Variants in NTM observed in about 807,000 individuals in gnomAD.
NTM encodes neurotrimin, also known as IgLON family member 2.
NTM carries 13 observed loss-of-function variants against 42.1 expected under a neutral mutation model. That is an observed-to-expected ratio of 0.31 (90% CI 0.20 to 0.49). NTM has a LOEUF of 0.49. Among genes scored for constraint, NTM ranks in the 20% least tolerant of loss-of-function variants. The pLI, the probability that NTM is intolerant of heterozygous loss-of-function variation, is 0.99. For missense variants in NTM, 373 were observed against 452.8 expected, an observed-to-expected ratio of 0.82 and a Z score of 1.60; for synonymous variants, 187 against 179.2, an observed-to-expected ratio of 1.04 and a Z score of -0.35.
Position 131,451,053 on chromosome 11 carries a change from G to T in NTM, c.82+80165G>T, listed in dbSNP as rs956347166. On this transcript the variant is annotated intron_variant, in intron 1 of 8. Coordinates refer to ENST00000683400, the MANE Select transcript of NTM (RefSeq NM_001352005.2). ...CAAAATTGATATTAACCATTTAAAA[G>T]AATCTTTCAAATTTGTCCTGGGTGC... is the stretch of plus-strand genomic sequence containing the variant. 2.0e-5 allele frequency among the ~76,000 whole-genome samples: 3 copies of T among 151,768 alleles called. No individual in the cohort carries two copies. In the South Asian group the frequency reaches 6.2e-4, roughly 32 times the overall value.
intron 2 of NTM, among the ~76,000 whole-genome samples, chr11:131,960,284 C>G (rs777097682): frequency 6.6e-6 from 1 of 152,218 alleles, no homozygotes; most frequent in Non-Finnish European, 1.5e-5. Context: ...AGAATCACAA[C>G]TTGACATTGC....
chr11:132,260,507 T>C (rs559617966), intron 4 of NTM, among the ~76,000 whole-genome samples: 8 of 152,150 alleles, frequency 5.3e-5, no homozygotes, highest in South Asian at 2.1e-4. Flanking sequence ...GTGGATGATG[T>C]AATTAGAAGT....
chr11:131,655,293 C>T (rs776180717), intron 1 of NTM, among the ~76,000 whole-genome samples: 8 of 152,052 alleles, frequency 5.3e-5, no homozygotes, highest in Non-Finnish European at 1.0e-4. Context: ...AACAGAGGCT[C>T]CCATCCTTAC....
chr11:131,554,946 G>A (rs191580834), intron 1 of NTM, among the ~76,000 whole-genome samples: 1 of 152,020 alleles, frequency 6.6e-6, no homozygotes, highest in South Asian at 2.1e-4. Flanking sequence ...TCTCTGGGTG[G>A]CCAGATAAGC....
chr11:131,662,979 A>G (rs1409290804), intron 1 of NTM, among the ~76,000 whole-genome samples: 1 of 152,184 alleles, frequency 6.6e-6, no homozygotes, highest in Non-Finnish European at 1.5e-5. Context: ...TTAATATGCT[A>G]TGATTCTCAG....
At chr11:131,806,384 C>A (rs2092481950) in intron 1 of NTM, among the ~76,000 whole-genome samples, 1 of 152,046 alleles carries the variant, frequency 6.6e-6, no homozygotes, top group Non-Finnish European at 1.5e-5. Context: ...ACTTAGATTG[C>A]AATGTTGATA....
At chr11:132,152,151 G>A (rs540876013) in intron 3 of NTM, among the ~76,000 whole-genome samples, 1 of 152,268 alleles carries the variant, frequency 6.6e-6, no homozygotes, top group East Asian at 1.9e-4. Flanking sequence ...AATATCAAAG[G>A]AAATAATGTG....
intron 1 of NTM, among the ~76,000 whole-genome samples, chr11:131,402,887 G>A (rs1025695997): frequency 6.6e-6 from 1 of 152,158 alleles, no homozygotes; most frequent in African/African-American, 2.4e-5. Flanking sequence ...AGGTAATGGT[G>A]TTGTCCAGAA....
At chr11:131,570,789 C>T (rs529911791) in intron 1 of NTM, among the ~76,000 whole-genome samples, 8 of 152,362 alleles carry the variant, frequency 5.3e-5, no homozygotes, top group African/African-American at 1.7e-4. Context: ...CGCCACTGCA[C>T]TCCAGCCTGG....
intron 1 of NTM, among the ~76,000 whole-genome samples, chr11:131,830,980 C>T (rs1365510437): frequency 1.3e-5 from 2 of 152,076 alleles, no homozygotes; most frequent in Non-Finnish European, 2.9e-5. Context: ...AGCTTGAAAG[C>T]TATTGGTGTA....
chr11:131,698,066 C>T (rs1007134027), intron 1 of NTM, among the ~76,000 whole-genome samples: 1 of 152,200 alleles, frequency 6.6e-6, no homozygotes, highest in African/African-American at 2.4e-5. Context: ...GACACAGCTG[C>T]TTCATCCAGA....
chr11:131,719,854 A>C (rs1219435736), intron 1 of NTM, among the ~76,000 whole-genome samples: 2 of 152,196 alleles, frequency 1.3e-5, no homozygotes, highest in Non-Finnish European at 2.9e-5. Context: ...CGAAACTCAC[A>C]AGGGTGCAAG....
chr11:131,401,822 A>ATATATGTGTATATATATATGTG (rs1286064656), intron 1 of NTM, among the ~76,000 whole-genome samples: 1 of 57,876 alleles, frequency 1.7e-5, no homozygotes, highest in Non-Finnish European at 3.5e-5. Flanking sequence ...ATATATATAT[A>ATATATGTGTATATATATATGTG]TATATATATA....
chr11:132,183,056 G>T (rs995043904), intron 3 of NTM, among the ~76,000 whole-genome samples: 11 of 151,932 alleles, frequency 7.2e-5, no homozygotes, highest in African/African-American at 2.4e-4. Context: ...CATCTCACAC[G>T]GTGCTGTACA....
At chr11:131,499,307 C>T (rs1389052526) in intron 1 of NTM, among the ~76,000 whole-genome samples, 1 of 152,140 alleles carries the variant, frequency 6.6e-6, no homozygotes, top group Non-Finnish European at 1.5e-5. Flanking sequence ...GGCTCAGAGC[C>T]TCGGCTTCCT....
chr11:131,583,958 T>A (rs2058635768), intron 1 of NTM, among the ~76,000 whole-genome samples: 1 of 152,188 alleles, frequency 6.6e-6, no homozygotes, highest in Admixed American at 6.5e-5. Flanking sequence ...ACTGTTAGAA[T>A]GAAGCTCTCT....
Position 131,639,625 on chromosome 11 carries a change from C to T in NTM, c.82+268737C>T, listed in dbSNP as rs886395162. Among the ~76,000 whole-genome samples the T allele has an allele frequency of 3.9e-5, 6 of 152,208 alleles. No homozygotes were observed. The East Asian group carries it at 9.7e-4, about 25-fold the overall frequency. On this transcript the variant is annotated intron_variant, in intron 1 of 8. Coordinates refer to ENST00000683400, the MANE Select transcript of NTM (RefSeq NM_001352005.2). The stretch of plus-strand genomic sequence containing the variant: ...TCTGCCCCACCATGCAAAGACCTCT[C>T]GGGCCCTGTCTTGGGAGAGGCTGGT...
intron 1 of NTM, among the ~76,000 whole-genome samples, chr11:131,852,964 A>G (rs944700391): frequency 2.7e-5 from 4 of 146,072 alleles, no homozygotes; most frequent in Non-Finnish European, 5.9e-5. Flanking sequence ...CCACTCATCC[A>G]TCCACCCATT....
intron 1 of NTM, among the ~76,000 whole-genome samples, chr11:131,416,792 A>G (rs1163487741): frequency 6.6e-6 from 1 of 152,224 alleles, no homozygotes; most frequent in Non-Finnish European, 1.5e-5. Context: ...CCTTTTAAAC[A>G]GAATTTGAAT....
Sources: gnomAD v4.1 joint callset for allele counts (sites outside exome capture counted in the v4.1 genomes callset) on GRCh38, gnomAD v4.1.1 for gene constraint, MANE v1.5 for transcripts, NCBI Gene and HGNC (gene_info 2026-07-23, HGNC 2026-07-21) for gene names.